The following CCDC142 variants were observed in gnomAD, a reference collection of about 807,000 sequenced individuals.
The protein encoded by CCDC142 is coiled-coil domain containing 142, also known as coiled-coil domain-containing protein 142.
In CCDC142, 67 loss-of-function variants were observed where a neutral mutation model predicts 83.8. The observed-to-expected ratio is 0.80, with a 90% confidence interval of 0.66 to 0.98. The LOEUF (loss-of-function observed/expected upper bound fraction) is 0.98. CCDC142 is among the 50% of genes least tolerant of loss of function. The probability of loss-of-function intolerance (pLI) is 0.00; values close to 1 mark genes in which losing one functional copy is unlikely to be tolerated. For synonymous variants in CCDC142, 421 were observed against 421.2 expected, an observed-to-expected ratio of 1.00 and a Z score of 0.01; for missense variants, 905 against 946.8, an observed-to-expected ratio of 0.96 and a Z score of 0.58.
chr2:74,476,885 G>A (rs1027555857), intron 5 of CCDC142, among the ~76,000 whole-genome samples: 4 of 152,216 alleles, frequency 2.6e-5, no homozygotes, highest in Non-Finnish European at 4.4e-5. Context: ...GAGCCCATAT[G>A]GCTCCTGGCA....
Position 74,473,159 on chromosome 2 carries a change from A to C in CCDC142, c.*1387T>G. 1 of 205,460 alleles carries C rather than the reference A, an allele frequency of 4.9e-6. No homozygotes were observed. Among genetic ancestry groups the C allele is most frequent in the Non-Finnish European group, 1.0e-5 (1 of 98,858 alleles). The allele number at this position is 205,460 out of a possible 1,614,324, so 12.7% of individuals were successfully genotyped here. ...ATAGCCAAAGCTTAAACGTGAAAGT[A>C]CTACAGCCCAATATTAGTAAATGAC... On this transcript the variant is annotated 3_prime_UTR_variant, in exon 9 of 9. Transcript: ENST00000393965.
In CCDC142 at chr2:74,481,092, G is replaced by T; in HGVS notation, c.1259-6C>A. 2 of 1,610,126 alleles carry T rather than the reference G, an allele frequency of 1.2e-6. No individual in the cohort carries two copies. The highest frequency in any genetic ancestry group is 2.2e-5 in the South Asian group (2 of 90,932). Reference sequence around the variant, plus strand: ...TAGGGCGACAGGCGCAGGATCTGGGGATTTGAGCAGCAGAGTGAGTATCTT... The same window carrying T: ...TAGGGCGACAGGCGCAGGATCTGGGTATTTGAGCAGCAGAGTGAGTATCTT... On this transcript the variant is annotated splice_polypyrimidine_tract_variant and splice_region_variant and intron_variant, in intron 3 of 8. Coordinates refer to ENST00000393965, the MANE Select transcript of CCDC142 (RefSeq NM_001365575.2).
In CCDC142 at chr2:74,474,760, C is replaced by A; in HGVS notation, c.2039G>T (p.Cys680Phe). ...EVQTTKLPSS[C>F]LNSLESLEPP... ...CTCCAAGCTCTCCAGGCTATTGAGG[C>A]AGCTGCTGGGCAATTTCGTGGTCTG... Residue 680 changes from cysteine to phenylalanine, a missense_variant, in exon 9 of 9, where the codon TGC becomes TTC. Cys to Phe is a radical substitution (Grantham distance 205). Around this residue, in one of 3 missense-constraint regions of CCDC142, gnomAD observed 265 missense variants for 288.9 expected, o/e 0.92. Transcript: ENST00000393965. The A allele has an allele frequency of 1.2e-6, 2 of 1,613,436 alleles. No homozygotes were observed. The highest frequency in any genetic ancestry group is 1.7e-6 in the Non-Finnish European group (2 of 1,179,556).
chr2:74,482,061 C>G lies in CCDC142; in HGVS notation c.777G>C (p.Ala259=), dbSNP rs762783132. 2 of 1,613,624 alleles carry G rather than the reference C, an allele frequency of 1.2e-6. No homozygotes were observed. The highest frequency in any genetic ancestry group is 1.6e-4 in the Middle Eastern group (1 of 6,062). The change falls in exon 1 of 9, where the codon GCG becomes GCC. Residue 259 remains alanine (A), a synonymous_variant. Transcript: ENST00000393965. The surrounding 1 kb of genome is among the most constrained non-coding windows in gnomAD (Gnocchi z 5.0). ...ACCGCCTGCGGAGCTGGTCCCTCAA[C>G]GCCGATCCTTGGAGCGCCTCGTCCA... ...SRLDEALQGS[A]LRDQLRRRCQ...
Position 74,482,153 on chromosome 2 carries a change from G to T in CCDC142, c.685C>A (p.Pro229Thr). ...CGGAGCACACGGGACGTGGGGAAAG[G>T]ACGTGCGGCCCCTGGGACGTGGCTC... is the stretch of plus-strand genomic sequence containing the variant. ...ALSHVPGAAR[P>T]FPTSRVLRLL... The change falls in exon 1 of 9, where the codon CCT (proline) becomes ACT (threonine). Residue 229 changes from proline (P) to threonine (T), a missense_variant. Around this residue, in one of 3 missense-constraint regions of CCDC142, gnomAD observed 591 missense variants for 571.4 expected, o/e 1.03. Transcript: ENST00000393965. The surrounding 1 kb of genome is among the most constrained non-coding windows in gnomAD (Gnocchi z 5.0). 6.2e-7 allele frequency: 1 copy of T among 1,613,766 alleles called. No homozygotes were observed. The highest frequency in any genetic ancestry group is 8.5e-7 in the Non-Finnish European group (1 of 1,179,954).
chr2:74,478,886 C>A (rs1354941408), intron 5 of CCDC142, among the ~76,000 whole-genome samples: 1 of 151,610 alleles, frequency 6.6e-6, no homozygotes, highest in Admixed American at 6.6e-5. Context: ...ACTAGCTGGG[C>A]GTGGTGGCAG....
Position 74,472,996 on chromosome 2 carries a change from T to G in CCDC142, c.*1550A>C. ...CTGCAGCCTTTCCCCTTCTGTACCC[T>G]GCTGGGCCACATCTAGGCTAACTCG... On this transcript the variant is annotated 3_prime_UTR_variant, in exon 9 of 9. Coordinates refer to ENST00000393965, the MANE Select transcript of CCDC142 (RefSeq NM_001365575.2). 1 of 383,880 alleles carries G rather than the reference T, an allele frequency of 2.6e-6. No homozygotes were observed. Among genetic ancestry groups the G allele is most frequent in the Non-Finnish European group, 4.9e-6 (1 of 205,496 alleles). 23.8% of individuals were successfully genotyped at this position (383,880 alleles called of 1,614,324 possible).
rs766185830 is a variant in CCDC142 at position 74,481,375 on chromosome 2, G to A, written c.1109-3C>T. On this transcript the variant is annotated splice_polypyrimidine_tract_variant and splice_region_variant and intron_variant, in intron 2 of 8. Coordinates refer to ENST00000393965, the MANE Select transcript of CCDC142 (RefSeq NM_001365575.2). The stretch of plus-strand genomic sequence containing the variant: ...TGATCCCAAGGCCTGGCAGAAACCT[G>A]AGGATGAGAGAGTATAGTGTGGTGG... The A allele has an allele frequency of 3.2e-5, 51 of 1,614,132 alleles. No individual in the cohort carries two copies. The highest frequency in any genetic ancestry group is 4.2e-5 in the Non-Finnish European group (50 of 1,180,024).
chr2:74,474,780 G>A lies in CCDC142; in HGVS notation c.2019C>T (p.Thr673=). Residue 673 remains threonine, a synonymous_variant, in exon 9 of 9, where the codon ACC becomes ACT. Coordinates refer to ENST00000393965, the MANE Select transcript of CCDC142 (RefSeq NM_001365575.2). The part of the protein sequence containing the change: ...PCCCACQEVQ[T]TKLPSSCLNS... The stretch of plus-strand genomic sequence containing the variant: ...TGAGGCAGCTGCTGGGCAATTTCGT[G>A]GTCTGGACCTCCTGACAAGCACCTG... The A allele has an allele frequency of 6.2e-7, 1 of 1,610,828 alleles. No homozygotes were observed. The highest frequency in any genetic ancestry group is 8.5e-7 in the Non-Finnish European group (1 of 1,177,924).
chr2:74,481,625 G>C (rs1485369488), intron 1 of CCDC142, 87 bp from the exon 2 acceptor site: 1 of 1,427,934 alleles, frequency 7.0e-7, no homozygotes, highest in Non-Finnish European at 9.8e-7. Context: ...AAGAAGGCAT[G>C]CTTCCTCCAA....
chr2:74,475,885 T>G (rs920672288), intron 5 of CCDC142, among the ~76,000 whole-genome samples, 159 bp from the exon 6 acceptor site: 1 of 152,130 alleles, frequency 6.6e-6, no homozygotes, highest in South Asian at 2.1e-4. Context: ...ATAGTTGTCA[T>G]TGGGTTTTCC....
rs542137798 is a variant in CCDC142 at position 74,477,705 on chromosome 2, C to T, written c.1504-1979G>A. 2.0e-5 allele frequency among the ~76,000 whole-genome samples: 3 copies of T among 152,298 alleles called. No individual in the cohort carries two copies. The South Asian group carries it at 6.2e-4, about 32-fold the overall frequency. ...CCACATGCCCACTATAGCCTTCCTTCCTCAGGGCTCTATGACCGTCACTGT... is the reference window on the plus strand; with the variant it reads ...CCACATGCCCACTATAGCCTTCCTTTCTCAGGGCTCTATGACCGTCACTGT... On this transcript the variant is annotated intron_variant, in intron 5 of 8. Coordinates refer to ENST00000393965, the MANE Select transcript of CCDC142 (RefSeq NM_001365575.2).
At chr2:74,475,836 T>C (rs2104008970) in intron 5 of CCDC142, 110 bp from the exon 6 acceptor site, 4 of 694,518 alleles carry the variant, frequency 5.8e-6, no homozygotes, top group Non-Finnish European at 7.4e-6. Flanking sequence ...AATTGTTGCA[T>C]AGTTGTGTAT....
At chr2:74,478,068 A>G (rs1269796052) in intron 5 of CCDC142, among the ~76,000 whole-genome samples, 1 of 147,540 alleles carries the variant, frequency 6.8e-6, no homozygotes, top group Non-Finnish European at 1.5e-5. Flanking sequence ...AAATATATAT[A>G]TATACTTTTT....
chr2:74,473,747 G>A lies in CCDC142; in HGVS notation c.*799C>T, dbSNP rs1352430045. 2.7e-5 allele frequency: 4 copies of A among 149,322 alleles called. No individual in the cohort carries two copies. The highest frequency in any genetic ancestry group is 4.9e-5 in the African/African-American group (2 of 40,512). 9.2% of individuals were successfully genotyped at this position (149,322 alleles called of 1,614,324 possible). A position where few individuals can be genotyped will look rare whatever the true frequency, so the allele number is the denominator to read the frequency against. ...TTGCTCTTTACTCTGGATTCCAGGT[G>A]CTGGAGTGATCTTGGATTTTTTTTT... is the stretch of plus-strand genomic sequence containing the variant. On this transcript the variant is annotated 3_prime_UTR_variant, in exon 9 of 9. Transcript: ENST00000393965.
Position 74,474,560 on chromosome 2 carries a change from T to G in CCDC142, c.2239A>C (p.Ser747Arg). The change falls in exon 9 of 9, where the codon AGT becomes CGT. Residue 747 changes from serine (S) to arginine (R), a missense_variant. Ser to Arg is a moderately radical substitution (Grantham distance 110, BLOSUM62 -1). Transcript: ENST00000393965. ...HLPFFSCLGT[S>R]PES ...TCCCAGGCTCCTTAGGATTCAGGAC[T>G]GGTTCCCAGGCAGGAAAAAAACGGC... 1 of 1,612,928 alleles carries G rather than the reference T, an allele frequency of 6.2e-7. No homozygotes were observed. Among genetic ancestry groups the G allele is most frequent in the Non-Finnish European group, 8.5e-7 (1 of 1,179,482 alleles).
intron 5 of CCDC142, among the ~76,000 whole-genome samples, chr2:74,478,065 T>C (rs906133381): frequency 1.4e-5 from 2 of 147,224 alleles, no homozygotes; most frequent in South Asian, 2.1e-4. Flanking sequence ...ATAAAATATA[T>C]ATATATACTT....
In CCDC142 at chr2:74,473,766, T is replaced by A. The variant is rs1672246484; in HGVS notation, c.*780A>T. On this transcript the variant is annotated 3_prime_UTR_variant, in exon 9 of 9. Transcript: ENST00000393965. ...CCAGGTGCTGGAGTGATCTTGGATT[T>A]TTTTTTTTTTTTTTTTTTTTTTTGA... 7.3e-5 allele frequency: 5 copies of A among 68,548 alleles called. No individual in the cohort carries two copies. Among genetic ancestry groups the A allele is most frequent in the South Asian group, 4.9e-4 (1 of 2,038 alleles). The allele number at this position is 68,548 out of a possible 1,614,324, so 4.2% of individuals were successfully genotyped here.
chr2:74,472,982 C>T lies in CCDC142; in HGVS notation c.*1564G>A, dbSNP rs186823767. On this transcript the variant is annotated 3_prime_UTR_variant, in exon 9 of 9. Transcript: ENST00000393965. ...AATACGCCCGTTTTCTGCAGCCTTTCCCCTTCTGTACCCTGCTGGGCCACA... is the reference window on the plus strand; with the variant it reads ...AATACGCCCGTTTTCTGCAGCCTTTTCCCTTCTGTACCCTGCTGGGCCACA... 14 of 417,248 alleles carry T rather than the reference C, an allele frequency of 3.4e-5. No individual in the cohort carries two copies. Among genetic ancestry groups the T allele is most frequent in the South Asian group, 1.3e-4 (6 of 46,076 alleles). 25.8% of individuals were successfully genotyped at this position (417,248 alleles called of 1,614,324 possible).
Sources: allele counts gnomAD v4.1 joint callset (sites outside exome capture counted in the v4.1 genomes callset), GRCh38; gene constraint gnomAD v4.1.1; regional missense constraint gnomAD v4.1.1; non-coding constraint Gnocchi (gnomAD v3.1); transcripts MANE v1.5; gene names NCBI Gene and HGNC (gene_info 2026-07-23, HGNC 2026-07-21).